DCDC2C: variants seen among roughly 807,000 people sequenced by gnomAD.
The protein encoded by DCDC2C is doublecortin domain-containing protein 2C.
DCDC2C carries 44 observed loss-of-function variants against 45.0 expected under a neutral mutation model. That is an observed-to-expected ratio of 0.98 (90% CI 0.77 to 1.26). The LOEUF (loss-of-function observed/expected upper bound fraction) is 1.26. Ranked by LOEUF, DCDC2C falls within the 50% of genes most tolerant of loss-of-function variation. The pLI, the probability that DCDC2C is intolerant of heterozygous loss-of-function variation, is 0.00. For missense variants in DCDC2C, 447 were observed against 468.9 expected, an observed-to-expected ratio of 0.95 and a Z score of 0.43; for synonymous variants, 187 against 178.8, an observed-to-expected ratio of 1.05 and a Z score of -0.37.
rs564571927 is a variant in DCDC2C, at chr2:3,743,865, C to G, written c.545+1817C>G. Among the ~76,000 whole-genome samples, 40 of 152,270 alleles carry G rather than the reference C, an allele frequency of 2.6e-4. No homozygotes were observed. In the South Asian group the frequency reaches 7.9e-3, roughly 30 times the overall value. ...GGTGGATCACCTGAAGTCAGGAGTT[C>G]AAGACCAGCCTGGCCAACATGGTGA... On this transcript the variant is annotated intron_variant, in intron 4 of 10. Coordinates refer to ENST00000399143, the MANE Select transcript of DCDC2C (RefSeq NM_001287444.2).
intron 2 of DCDC2C, among the ~76,000 whole-genome samples, chr2:3,725,550 C>T (rs1668634080): frequency 7.4e-6 from 1 of 134,898 alleles, no homozygotes; most frequent in Non-Finnish European, 1.6e-5. Flanking sequence ...AGGGAGGAGG[C>T]TGCCCGGTGG....
At chr2:3,846,199 A>T (rs1200037646) in intron 10 of DCDC2C, among the ~76,000 whole-genome samples, 1 of 121,712 alleles carries the variant, frequency 8.2e-6, no homozygotes, top group Non-Finnish European at 1.7e-5. Context: ...TTTCTTCCCC[A>T]CCCCCGTCCT....
chr2:3,712,455 C>T (rs1268913057), intron 2 of DCDC2C, among the ~76,000 whole-genome samples: 1 of 144,460 alleles, frequency 6.9e-6, no homozygotes, highest in Non-Finnish European at 1.5e-5. Context: ...TACTTGAGCC[C>T]AGGAATTCTA....
chr2:3,715,381 C>T (rs1274994074), intron 2 of DCDC2C, among the ~76,000 whole-genome samples: 5 of 152,134 alleles, frequency 3.3e-5, no homozygotes, highest in Admixed American at 3.3e-4. Context: ...CCCACACCTC[C>T]CAAACACTGT....
At chr2:3,753,215 GC>G (rs949606615) in intron 5 of DCDC2C, among the ~76,000 whole-genome samples, 2 of 152,214 alleles carry the variant, frequency 1.3e-5, no homozygotes, top group African/African-American at 4.8e-5. Context: ...AGTTATGCCT[GC>G]CTGTGATGCA....
intron 10 of DCDC2C, among the ~76,000 whole-genome samples, chr2:3,843,889 A>C (rs573698109): frequency 6.6e-6 from 1 of 152,328 alleles, no homozygotes; most frequent in Admixed American, 6.5e-5. Context: ...GAGATAATGC[A>C]TGCAAAAACA....
chr2:3,746,179 C>A (rs1207947520), intron 4 of DCDC2C, among the ~76,000 whole-genome samples: 1 of 152,152 alleles, frequency 6.6e-6, no homozygotes, highest in Non-Finnish European at 1.5e-5. Context: ...GTCATGTGAG[C>A]AGCTACGGTG....
intron 10 of DCDC2C, among the ~76,000 whole-genome samples, chr2:3,791,990 ATT>A (rs58613923): frequency 1.9e-4 from 29 of 151,240 alleles, no homozygotes; most frequent in Non-Finnish European, 1.3e-4. Flanking sequence ...TTATTAGTTC[ATT>A]TTTTTTTTAA....
intron 10 of DCDC2C, among the ~76,000 whole-genome samples, chr2:3,821,950 A>AGT (rs140905234): frequency 0.11 from 16,672 of 152,216 alleles, 1,089 homozygotes; most frequent in East Asian, 0.29. Context: ...GAATATTTTT[A>AGT]TCACCCTAAA....
chr2:3,723,044 T>G (rs1190019352), intron 2 of DCDC2C, among the ~76,000 whole-genome samples: 1 of 152,210 alleles, frequency 6.6e-6, no homozygotes, highest in Non-Finnish European at 1.5e-5. Flanking sequence ...AGGTGTGCAT[T>G]TCCACCTTCT....
At chr2:3,788,333 T>A (rs766913509) in intron 10 of DCDC2C, 5 of 152,216 alleles carry the variant, frequency 3.3e-5, no homozygotes, top group Non-Finnish European at 7.3e-5. Flanking sequence ...TTCTGAAATA[T>A]AACACCCACA....
At chr2:3,800,078 T>G (rs1199692540) in intron 10 of DCDC2C, among the ~76,000 whole-genome samples, 1 of 152,154 alleles carries the variant, frequency 6.6e-6, no homozygotes, top group African/African-American at 2.4e-5. Flanking sequence ...TGGTGCGCCG[T>G]TTTTTAAGCC....
intron 3 of DCDC2C, among the ~76,000 whole-genome samples, chr2:3,736,251 G>A (rs989908360): frequency 4.6e-5 from 7 of 152,180 alleles, no homozygotes; most frequent in Non-Finnish European, 1.0e-4. Context: ...GATTTACAGG[G>A]TGGTAGGACT....
At chr2:3,826,122 A>G (rs1558244377) in intron 10 of DCDC2C, among the ~76,000 whole-genome samples, 1 of 152,222 alleles carries the variant, frequency 6.6e-6, no homozygotes, top group Non-Finnish European at 1.5e-5. Flanking sequence ...GGATGAAAAT[A>G]CTTGTAAGAT....
chr2:3,809,599 A>G (rs1486859729), intron 10 of DCDC2C, among the ~76,000 whole-genome samples: 1 of 152,170 alleles, frequency 6.6e-6, no homozygotes, highest in Non-Finnish European at 1.5e-5. Flanking sequence ...AAGCTCATTG[A>G]TGAGTTCTGG....
chr2:3,783,760 G>A (rs547184031), intron 9 of DCDC2C, among the ~76,000 whole-genome samples: 7 of 152,350 alleles, frequency 4.6e-5, no homozygotes, highest in African/African-American at 1.7e-4. Context: ...GGAGCTGAGC[G>A]TGGCCCCAGT....
chr2:3,829,928 C>T (rs942809095), intron 10 of DCDC2C, among the ~76,000 whole-genome samples: 1 of 152,216 alleles, frequency 6.6e-6, no homozygotes, highest in Non-Finnish European at 1.5e-5. Context: ...GTGTCAGCTT[C>T]TGAAGCTTGC....
intron 10 of DCDC2C, among the ~76,000 whole-genome samples, chr2:3,842,690 T>A (rs1464666875): frequency 6.7e-6 from 1 of 148,314 alleles, no homozygotes; most frequent in Non-Finnish European, 1.5e-5. Flanking sequence ...ACACAATAAA[T>A]CCTTATTTCT....
intron 10 of DCDC2C, among the ~76,000 whole-genome samples, chr2:3,794,226 A>G (rs1670896337): frequency 6.6e-6 from 1 of 152,256 alleles, no homozygotes; most frequent in African/African-American, 2.4e-5. Flanking sequence ...TGTATGACAC[A>G]TTTAATTATA....
Sources: allele counts gnomAD v4.1 joint callset (sites outside exome capture counted in the v4.1 genomes callset), GRCh38; gene constraint gnomAD v4.1.1; transcripts MANE v1.5; gene names NCBI Gene and HGNC (gene_info 2026-07-23, HGNC 2026-07-21).